Variants in SLC10A7 observed in about 807,000 individuals in gnomAD.
The protein encoded by SLC10A7 is sodium/bile acid cotransporter 7.
Under a neutral mutation model 43.2 loss-of-function variants are expected in SLC10A7, and 29 were observed. The ratio of observed to expected loss-of-function variants is 0.67; its 90% confidence interval spans 0.50 to 0.92. SLC10A7 has a LOEUF of 0.92. Ranked by LOEUF, SLC10A7 falls within the 40% of genes least tolerant of loss-of-function variation. The pLI, the probability that SLC10A7 is intolerant of heterozygous loss-of-function variation, is 0.00. For missense variants in SLC10A7, 295 were observed against 403.2 expected (o/e 0.73, Z 2.30); for synonymous variants, 152 against 144.8 (o/e 1.05, Z -0.35).
intron 5 of SLC10A7, among the ~76,000 whole-genome samples, chr4:146,337,166 G>T (rs920004483): frequency 4.6e-5 from 7 of 151,996 alleles, no homozygotes; most frequent in African/African-American, 1.7e-4. Flanking sequence ...ATTTTCTAAA[G>T]AAGTTTCTTA....
At chr4:146,353,162 A>G (rs1223334821) in intron 5 of SLC10A7, among the ~76,000 whole-genome samples, 1 of 128,338 alleles carries the variant, frequency 7.8e-6, no homozygotes, top group East Asian at 2.5e-4. Context: ...AGAAAAAAAG[A>G]GAGAAGAATC....
intron 4 of SLC10A7, among the ~76,000 whole-genome samples, chr4:146,448,875 C>T (rs1731338911): frequency 6.6e-6 from 1 of 152,194 alleles, no homozygotes; most frequent in South Asian, 2.1e-4. Flanking sequence ...GACCACTTCA[C>T]ATGCAGGCTG....
chr4:146,465,138 G>A lies in SLC10A7; in HGVS notation c.397-22317C>T, dbSNP rs370656727. ...ACAAAGTATCAGACAGCCACTGTGCGTAATTAACACATATATTCTCTCTTC... is the reference window on the plus strand; with the variant it reads ...ACAAAGTATCAGACAGCCACTGTGCATAATTAACACATATATTCTCTCTTC... On this transcript the variant is annotated intron_variant, in intron 4 of 11. Transcript: ENST00000335472. 1.5e-4 allele frequency among the ~76,000 whole-genome samples: 23 copies of A among 152,210 alleles called. No homozygotes were observed. In the East Asian group the frequency reaches 1.5e-3, roughly 10 times the overall value.
chr4:146,426,870 G>A (rs180882907), intron 5 of SLC10A7, among the ~76,000 whole-genome samples: 3 of 152,130 alleles, frequency 2.0e-5, no homozygotes, highest in East Asian at 3.9e-4. Flanking sequence ...GTGAGACTCC[G>A]TCTCAAAAAA....
intron 5 of SLC10A7, among the ~76,000 whole-genome samples, chr4:146,338,462 C>T (rs767428741): frequency 6.6e-6 from 1 of 151,888 alleles, no homozygotes; most frequent in African/African-American, 2.4e-5. Context: ...GCAAGTCATG[C>T]AGTCTGGTTC....
intron 5 of SLC10A7, among the ~76,000 whole-genome samples, chr4:146,409,613 T>C (rs1728018181): frequency 6.6e-6 from 1 of 152,194 alleles, no homozygotes; most frequent in South Asian, 2.1e-4. Context: ...AATTTTACTC[T>C]ATGTAAATTA....
intron 5 of SLC10A7, chr4:146,441,586 A>G (rs1340728045): frequency 2.8e-6 from 2 of 726,722 alleles, no homozygotes; most frequent in Admixed American, 1.3e-4. Flanking sequence ...AATTGTGACA[A>G]CGTATAGAAT....
intron 4 of SLC10A7, among the ~76,000 whole-genome samples, chr4:146,454,576 T>C (rs1331904285): frequency 5.3e-5 from 8 of 151,906 alleles, no homozygotes; most frequent in Non-Finnish European, 8.8e-5. Context: ...GAAACACTAA[T>C]GGTTATGTTG....
rs1728241175 is a variant in SLC10A7, at chr4:146,412,145, T to G, written c.435+30638A>C. ...ACAGTTGTCTTTTATCTTCACTCTG[T>G]CCATCTAGCCAAAAAAAAATTACGT... On this transcript the variant is annotated intron_variant, in intron 5 of 11. Transcript: ENST00000335472. Among the ~76,000 whole-genome samples the G allele has an allele frequency of 3.5e-5, 4 of 114,174 alleles. No individual in the cohort carries two copies. The South Asian group carries it at 1.5e-3, about 44-fold the overall frequency. 74.9% of individuals were successfully genotyped at this position (114,174 alleles called of 152,430 possible).
intron 5 of SLC10A7, chr4:146,441,889 A>G: frequency 1.0e-6 from 1 of 982,968 alleles, no homozygotes; most frequent in Non-Finnish European, 1.2e-6. Context: ...TTAAATACAT[A>G]CAATAATAAT....
intron 9 of SLC10A7, among the ~76,000 whole-genome samples, chr4:146,286,295 T>C (rs866992774): frequency 7.9e-3 from 429 of 54,138 alleles, no homozygotes; most frequent in African/African-American, 0.026. Context: ...TGAGAAGGAC[T>C]GAGTTTGGAG....
chr4:146,349,761 CACTT>C (rs1734889577), intron 5 of SLC10A7, among the ~76,000 whole-genome samples: 1 of 152,202 alleles, frequency 6.6e-6, no homozygotes, highest in East Asian at 1.9e-4. Context: ...TGCACATTCT[CACTT>C]ACAAGCGGAA....
chr4:146,473,858 G>A (rs1464221427), intron 4 of SLC10A7, among the ~76,000 whole-genome samples: 1 of 151,908 alleles, frequency 6.6e-6, no homozygotes, highest in Non-Finnish European at 1.5e-5. Context: ...ATTATTTATA[G>A]CAACCAACCT....
At chr4:146,500,084 C>T (rs1337102838) in intron 4 of SLC10A7, among the ~76,000 whole-genome samples, 1 of 152,190 alleles carries the variant, frequency 6.6e-6, no homozygotes, top group Non-Finnish European at 1.5e-5. Context: ...TATACCTCCT[C>T]TATCTCACTA....
At chr4:146,272,652 G>C (rs1728966067) in intron 10 of SLC10A7, among the ~76,000 whole-genome samples, 1 of 152,110 alleles carries the variant, frequency 6.6e-6, no homozygotes, top group Non-Finnish European at 1.5e-5. Flanking sequence ...AACTCTGAAA[G>C]GACAATTGTT....
intron 5 of SLC10A7, among the ~76,000 whole-genome samples, chr4:146,395,607 G>A (rs188381768): frequency 4.6e-5 from 7 of 152,296 alleles, no homozygotes; most frequent in Admixed American, 2.6e-4. Flanking sequence ...CTGCTTGTGA[G>A]TGAACTGGAG....
chr4:146,390,904 G>A (rs1008884389), intron 5 of SLC10A7, among the ~76,000 whole-genome samples: 11 of 152,040 alleles, frequency 7.2e-5, no homozygotes, highest in Non-Finnish European at 1.6e-4. Flanking sequence ...TGGGAAATAC[G>A]GAAGCAAGAG....
chr4:146,365,119 A>C (rs1736305597), intron 5 of SLC10A7, among the ~76,000 whole-genome samples: 1 of 152,174 alleles, frequency 6.6e-6, no homozygotes, highest in African/African-American at 2.4e-5. Flanking sequence ...GCTGATTATT[A>C]TATGTTATAT....
At chr4:146,521,340 G>C (rs12500663) in intron 1 of SLC10A7, among the ~76,000 whole-genome samples, 1 of 152,060 alleles carries the variant, frequency 6.6e-6, no homozygotes, top group Non-Finnish European at 1.5e-5. Context: ...GGCAAGAGGA[G>C]TAAGTTTCAT....
Sources: gnomAD v4.1 joint callset for allele counts (sites outside exome capture counted in the v4.1 genomes callset) on GRCh38, gnomAD v4.1.1 for gene constraint, MANE v1.5 for transcripts, NCBI Gene and HGNC (gene_info 2026-07-23, HGNC 2026-07-21) for gene names.